Variants in ATXN3 observed in about 807,000 individuals in gnomAD.
ATXN3 encodes ataxin-3.
A neutral mutation model predicts 58.2 loss-of-function variants in ATXN3; 28 were observed. The ratio of observed to expected loss-of-function variants is 0.48; its 90% confidence interval spans 0.36 to 0.66. The LOEUF (loss-of-function observed/expected upper bound fraction) is 0.66. Ranked by LOEUF, ATXN3 falls within the 30% of genes least tolerant of loss-of-function variation. ATXN3 has a pLI of 0.00. For missense variants in ATXN3, 321 were observed against 422.1 expected, an observed-to-expected ratio of 0.76 and a Z score of 2.10; for synonymous variants, 113 against 138.5, an observed-to-expected ratio of 0.82 and a Z score of 1.29.
chr14:92,079,435 T>C (rs1012390996), intron 9 of ATXN3: 26 of 982,214 alleles, frequency 2.6e-5, no homozygotes, highest in Non-Finnish European at 3.1e-5. Flanking sequence ...TGTCAGCTGA[T>C]CAGAATTTTC....
At chr14:92,083,815 G>A (rs2140815771) in intron 6 of ATXN3, among the ~76,000 whole-genome samples, 1 of 152,336 alleles carries the variant, frequency 6.6e-6, no homozygotes, top group Non-Finnish European at 1.5e-5. Context: ...TGAACTGGGA[G>A]AGGTAGACCC....
chr14:92,093,754 G>A lies in ATXN3; in HGVS notation c.312C>T (p.Ile104=). The change falls in exon 4 of 11, where the codon ATC becomes ATT. Residue 104 remains isoleucine (I), a synonymous_variant. Coordinates refer to ENST00000644486, the MANE Select transcript of ATXN3 (RefSeq NM_004993.6). The stretch of plus-strand genomic sequence containing the variant: ...GCAAAACAGAATCTTACATAGGATC[G>A]ATCCTGAGCCTCTGATACTCTGGAC... ...FNSPEYQRLR[I]DPINERSFIC... is the part of the protein sequence containing the mutation. 9 of 1,598,872 alleles carry A rather than the reference G, an allele frequency of 5.6e-6. No homozygotes were observed. The highest frequency in any genetic ancestry group is 7.7e-6 in the Non-Finnish European group (9 of 1,170,706).
At chr14:92,044,983 C>G (rs1343062383) in intron 2 of ATXN3, 1 of 152,176 alleles carries the variant, frequency 6.6e-6, no homozygotes, top group Non-Finnish European at 1.5e-5. Context: ...AGAAGATTAG[C>G]AGCCTGGTGG....
intron 9 of ATXN3, 31 bp downstream of exon 9, chr14:92,080,934 A>C (rs1162295562): frequency 6.7e-6 from 10 of 1,486,876 alleles, no homozygotes; most frequent in Non-Finnish European, 9.4e-6. Flanking sequence ...AATATTAAAC[A>C]TGCTACTTTA....
At chr14:92,106,316 G>A (rs2068362046) in intron 1 of ATXN3, among the ~76,000 whole-genome samples, 1 of 151,550 alleles carries the variant, frequency 6.6e-6, no homozygotes, top group African/African-American at 2.4e-5. Context: ...CTCCCTCCCG[G>A]CTCCCAGGGC....
intron 9 of ATXN3, chr14:92,079,562 G>A (rs988348257): frequency 1.7e-5 from 6 of 344,586 alleles, no homozygotes; most frequent in African/African-American, 1.3e-4. Context: ...CTAATATACT[G>A]TCAATTATGA....
rs1232076499 is a variant in ATXN3 at position 92,106,509 on chromosome 14, C to A, written c.24+20G>T. The A allele has an allele frequency of 1.2e-5, 20 of 1,613,296 alleles. No individual in the cohort carries two copies. Among genetic ancestry groups the A allele is most frequent in the Non-Finnish European group, 1.6e-5 (19 of 1,179,604 alleles). On this transcript the variant is annotated intron_variant, in intron 1 of 10. Coordinates refer to ENST00000644486, the MANE Select transcript of ATXN3 (RefSeq NM_004993.6). Reference sequence around the variant, plus strand: ...CGCCACCGCGCGGCAGACAGCTCCCCACCGAACGCGGACACTCACTTTCTC... The same window carrying A: ...CGCCACCGCGCGGCAGACAGCTCCCAACCGAACGCGGACACTCACTTTCTC...
intron 5 of ATXN3, among the ~76,000 whole-genome samples, chr14:92,091,678 GCA>G (rs753799106): frequency 3.6e-4 from 55 of 150,906 alleles, no homozygotes; most frequent in Non-Finnish European, 5.5e-4. Flanking sequence ...ATAATAAACT[GCA>G]CATATTTAAA....
rs992855906 is a variant in ATXN3, at chr14:92,059,063, T to C, written c.*5257A>G. 2 of 152,200 alleles carry C rather than the reference T, an allele frequency of 1.3e-5. No individual in the cohort carries two copies. Among genetic ancestry groups the C allele is most frequent in the Non-Finnish European group, 1.5e-5 (1 of 68,042 alleles). 9.4% of individuals were successfully genotyped at this position (152,200 alleles called of 1,614,324 possible). On this transcript the variant is annotated 3_prime_UTR_variant, in exon 11 of 11. Coordinates refer to ENST00000644486, the MANE Select transcript of ATXN3 (RefSeq NM_004993.6). ...ATTTATATTTTACTAATGTTTCTCA[T>C]TGCTTTGTCTATGAATCCACAGGCT...
intron 2 of ATXN3, among the ~76,000 whole-genome samples, chr14:92,045,530 G>C (rs2057422786): frequency 6.6e-6 from 1 of 152,100 alleles, no homozygotes; most frequent in South Asian, 2.1e-4. Flanking sequence ...TGCTAGTCCT[G>C]GGTGGGGGCA....
chr14:92,085,793 C>T (rs1297921615), intron 6 of ATXN3, among the ~76,000 whole-genome samples: 1 of 152,094 alleles, frequency 6.6e-6, no homozygotes, highest in East Asian at 1.9e-4. Flanking sequence ...GATGTCAAGA[C>T]TAAAGATAAA....
intron 3 of ATXN3, among the ~76,000 whole-genome samples, chr14:92,095,498 TC>T (rs11367316): frequency 1 from 151,650 of 151,662 alleles, 75,819 homozygotes; most frequent in Admixed American, 1. Context: ...CACCTCGGCC[TC>T]CCCAAAGTGC....
At chr14:92,105,413 C>G (rs534680546) in intron 1 of ATXN3, among the ~76,000 whole-genome samples, 2 of 152,000 alleles carry the variant, frequency 1.3e-5, no homozygotes, top group African/African-American at 4.8e-5. Context: ...GAGACCCCAT[C>G]TTTAAAATAA....
chr14:92,076,697 TG>T (rs2060451686), intron 9 of ATXN3, among the ~76,000 whole-genome samples: 1 of 151,940 alleles, frequency 6.6e-6, no homozygotes, highest in Non-Finnish European at 1.5e-5. Context: ...CCCAGAACTT[TG>T]GGAGGCCGAG....
chr14:92,056,852 A>G (rs7148218), downstream of ATXN3, among the ~76,000 whole-genome samples: 80,639 of 152,046 alleles, frequency 0.53, 22,173 homozygotes, highest in African/African-American at 0.68. Context: ...AAGACCTACT[A>G]GGCTGCATTC....
In ATXN3 at chr14:92,060,412, C is replaced by T. The variant is rs1223532475; in HGVS notation, c.*3908G>A. The T allele has an allele frequency of 1.3e-5, 2 of 151,558 alleles. No individual in the cohort carries two copies. Among genetic ancestry groups the T allele is most frequent in the Non-Finnish European group, 2.9e-5 (2 of 67,948 alleles). 9.4% of individuals were successfully genotyped at this position (151,558 alleles called of 1,614,324 possible). On this transcript the variant is annotated 3_prime_UTR_variant, in exon 11 of 11. Transcript: ENST00000644486. ...TAGCTGGGATTACAAGTGTGTGCAA[C>T]CACGCCCGGCTAATTTTTGTATTTT...
At position 92,062,113 on chromosome 14, in the gene ATXN3, C is replaced by G. The variant is rs1357026491; in HGVS notation, c.*2207G>C. On this transcript the variant is annotated 3_prime_UTR_variant, in exon 11 of 11. Transcript: ENST00000644486. ...CTCTACCAAAAATACAAAAATCTGC[C>G]GGGTGTGGTGGTGGGCGCCTGTAAT... 1 of 152,022 alleles carries G rather than the reference C, an allele frequency of 6.6e-6. No homozygotes were observed. Among genetic ancestry groups the G allele is most frequent in the Non-Finnish European group, 1.5e-5 (1 of 68,068 alleles). 9.4% of individuals were successfully genotyped at this position (152,022 alleles called of 1,614,324 possible).
At chr14:92,091,454 AGAAG>A (rs982080293) in intron 5 of ATXN3, among the ~76,000 whole-genome samples, 9 of 151,756 alleles carry the variant, frequency 5.9e-5, no homozygotes, top group South Asian at 2.1e-4. Context: ...CCGTCTCAAA[AGAAG>A]GAAAGAAAGA....
At position 92,103,761 on chromosome 14, in the gene ATXN3, A is replaced by G. The variant is rs538536526; in HGVS notation, c.24+2768T>C. ...AGGGTACTCAAAGTGACTACTCAGA[A>G]AGAGGAAACCAAGGTTCCAAGAGGA... On this transcript the variant is annotated intron_variant, in intron 1 of 10. Transcript: ENST00000644486. 2.6e-5 allele frequency among the ~76,000 whole-genome samples: 4 copies of G among 152,350 alleles called. No individual in the cohort carries two copies. In the East Asian group the frequency reaches 5.8e-4, roughly 22 times the overall value.
Sources: gnomAD v4.1 joint callset for allele counts (sites outside exome capture counted in the v4.1 genomes callset) on GRCh38, gnomAD v4.1.1 for gene constraint, MANE v1.5 for transcripts, NCBI Gene and HGNC (gene_info 2026-07-23, HGNC 2026-07-21) for gene names.